Variants in COBLL1 observed in about 807,000 individuals in gnomAD.
COBLL1 encodes cordon-bleu protein-like 1.
In COBLL1, 50 loss-of-function variants were observed where a neutral mutation model predicts 94.8. The observed-to-expected ratio is 0.53, with a 90% CI of 0.42 to 0.67. The LOEUF (loss-of-function observed/expected upper bound fraction) is 0.67. Ranked by LOEUF, COBLL1 falls within the 30% of genes least tolerant of loss-of-function variation. The pLI is 0.00. For missense variants in COBLL1, 1,362 were observed against 1,348.7 expected (o/e 1.01, Z -0.15); for synonymous variants, 448 against 473.8 (o/e 0.95, Z 0.71).
chr2:164,752,345 AG>A (rs1687167930), intron 2 of COBLL1, among the ~76,000 whole-genome samples: 1 of 152,134 alleles, frequency 6.6e-6, no homozygotes, highest in Non-Finnish European at 1.5e-5. Flanking sequence ...TTTAAACCCA[AG>A]GTGTCTGATT....
At chr2:164,781,176 AAAAC>A (rs1247986609) in intron 2 of COBLL1, among the ~76,000 whole-genome samples, 26 of 152,364 alleles carry the variant, frequency 1.7e-4, no homozygotes, top group African/African-American at 5.8e-4. Flanking sequence ...CTACACAGAG[AAAAC>A]AAACATTTAT....
At chr2:164,674,180 C>T (rs1392192402) in intron 1 of COBLL1, among the ~76,000 whole-genome samples, 1 of 152,154 alleles carries the variant, frequency 6.6e-6, no homozygotes, top group African/African-American at 2.4e-5. Context: ...CCTGCTTCAG[C>T]CTCCCGAGTA....
At chr2:164,661,463 GAA>G (rs1319435244) in intron 2 of COBLL1, among the ~76,000 whole-genome samples, 1 of 152,020 alleles carries the variant, frequency 6.6e-6, no homozygotes, top group Non-Finnish European at 1.5e-5. Flanking sequence ...ATTTATCATA[GAA>G]AAGTGTTTAA....
chr2:164,833,607 C>T (rs983176898), intron 2 of COBLL1, among the ~76,000 whole-genome samples: 1 of 151,918 alleles, frequency 6.6e-6, no homozygotes, highest in Non-Finnish European at 1.5e-5. Context: ...CCCGCCACCA[C>T]GCCCGGCTAA....
Position 164,700,724 on chromosome 2 carries a change from T to C in COBLL1, c.1258A>G (p.Ile420Val). ...GISSDYSLEEIDEKEELSEVP... is the reference protein window; with the variant it reads ...GISSDYSLEEVDEKEELSEVP... ...TCACTCAGTTCTTCCTTTTCATCTA[T>C]CTCTTCAAGGCTATAATCAGAGCTT... The change falls in exon 10 of 14, where the codon ATA (isoleucine) becomes GTA (valine). Residue 420 changes from isoleucine to valine, a missense_variant. Ile to Val is a conservative substitution (Grantham distance 29, BLOSUM62 3). Transcript: ENST00000652658. 6.2e-7 allele frequency: 1 copy of C among 1,611,358 alleles called. No homozygotes were observed. The highest frequency in any genetic ancestry group is 1.7e-5 in the Admixed American group (1 of 60,002).
downstream of COBLL1, among the ~76,000 whole-genome samples, chr2:164,679,901 G>C (rs962171971): frequency 5.7e-4 from 87 of 151,780 alleles, no homozygotes; most frequent in African/African-American, 2.0e-3. Flanking sequence ...AAACCTGCAT[G>C]TTCTGCACAT....
chr2:164,658,229 A>G (rs1235487248), intron 2 of COBLL1, among the ~76,000 whole-genome samples: 2 of 152,174 alleles, frequency 1.3e-5, no homozygotes, highest in Non-Finnish European at 2.9e-5. Context: ...TAGGAAATCC[A>G]GCTAGTCCTG....
In COBLL1 at chr2:164,831,428, T is replaced by A. The variant is rs1390012428; in HGVS notation, c.41+9728A>T. Among the ~76,000 whole-genome samples, 3 of 151,798 alleles carry A rather than the reference T, an allele frequency of 2.0e-5. No homozygotes were observed. The East Asian group carries it at 5.8e-4, about 29-fold the overall frequency. Reference sequence around the variant, plus strand: ...TAGTAGGGATCATTTAAATTTTACTTAAGTTATCTAGTAGAATAAATATTT... The same window carrying A: ...TAGTAGGGATCATTTAAATTTTACTAAAGTTATCTAGTAGAATAAATATTT... On this transcript the variant is annotated intron_variant, in intron 2 of 13. Transcript: ENST00000652658.
chr2:164,766,868 C>T (rs1200950839), intron 2 of COBLL1, among the ~76,000 whole-genome samples: 1 of 152,162 alleles, frequency 6.6e-6, no homozygotes, highest in African/African-American at 2.4e-5. Flanking sequence ...CTATATTACA[C>T]AAAACACAGC....
intron 13 of COBLL1, 65 bp downstream of exon 13, chr2:164,692,156 C>T (rs1053551154): frequency 2.5e-5 from 36 of 1,424,194 alleles, no homozygotes; most frequent in Non-Finnish European, 3.3e-5. Context: ...AAATTTTTCC[C>T]TAAGTATTAG....
chr2:164,781,474 G>C (rs1462215418), intron 2 of COBLL1, among the ~76,000 whole-genome samples: 1 of 152,190 alleles, frequency 6.6e-6, no homozygotes, highest in Non-Finnish European at 1.5e-5. Flanking sequence ...CATGTTCACT[G>C]TACACTTACT....
At chr2:164,782,992 T>C (rs1210752373) in intron 2 of COBLL1, among the ~76,000 whole-genome samples, 3 of 152,214 alleles carry the variant, frequency 2.0e-5, no homozygotes, top group Non-Finnish European at 4.4e-5. Flanking sequence ...TTTTTTCATA[T>C]ATTACATAAA....
intron 7 of COBLL1, among the ~76,000 whole-genome samples, chr2:164,718,642 A>G (rs911335415): frequency 6.6e-6 from 1 of 152,192 alleles, no homozygotes; most frequent in African/African-American, 2.4e-5. Context: ...TCTTTAGAAT[A>G]ACATATAAAA....
intron 13 of COBLL1, among the ~76,000 whole-genome samples, chr2:164,688,898 T>TCA (rs1197664092): frequency 5.9e-5 from 9 of 152,212 alleles, no homozygotes; most frequent in Admixed American, 5.9e-4. Flanking sequence ...TTACTTGTAA[T>TCA]AGGGTAATAA....
At chr2:164,691,469 C>T (rs1683588142) in intron 13 of COBLL1, among the ~76,000 whole-genome samples, 1 of 152,024 alleles carries the variant, frequency 6.6e-6, no homozygotes, top group African/African-American at 2.4e-5. Context: ...GTGCTTCCAA[C>T]CAGGAGAATT....
intron 2 of COBLL1, among the ~76,000 whole-genome samples, chr2:164,796,447 G>T (rs1683462228): frequency 6.6e-6 from 1 of 151,708 alleles, no homozygotes; most frequent in Admixed American, 6.6e-5. Context: ...ATTTCATCTT[G>T]GTATAAACAA....
chr2:164,803,564 C>CAAAA (rs368867904), intron 2 of COBLL1, among the ~76,000 whole-genome samples: 4 of 140,972 alleles, frequency 2.8e-5, no homozygotes, highest in Admixed American at 7.2e-5. Flanking sequence ...GACTCTGTCT[C>CAAAA]AAAAATAAAT....
intron 7 of COBLL1, among the ~76,000 whole-genome samples, chr2:164,713,722 C>A (rs919312314): frequency 1.3e-5 from 2 of 151,992 alleles, no homozygotes; most frequent in African/African-American, 4.8e-5. Context: ...AATACCTATG[C>A]AATTGTGTTA....
chr2:164,803,878 G>A (rs1683953076), intron 2 of COBLL1, among the ~76,000 whole-genome samples: 1 of 152,002 alleles, frequency 6.6e-6, no homozygotes, highest in South Asian at 2.1e-4. Context: ...GCTACTTAAG[G>A]ACACATCACA....
Sources: allele counts gnomAD v4.1 joint callset (sites outside exome capture counted in the v4.1 genomes callset), GRCh38; gene constraint gnomAD v4.1.1; transcripts MANE v1.5; gene names NCBI Gene and HGNC (gene_info 2026-07-23, HGNC 2026-07-21).